The following AOAH variants were observed in gnomAD, a reference collection of about 807,000 sequenced individuals.
The protein encoded by AOAH is acyloxyacyl hydrolase.
AOAH carries 64 observed loss-of-function variants against 92.2 expected under a neutral mutation model. That is an observed-to-expected ratio of 0.69 (90% CI 0.57 to 0.86). The LOEUF is 0.86. Among genes scored for constraint, AOAH ranks in the 40% least tolerant of loss-of-function variants. AOAH has a pLI of 0.00. For missense variants in AOAH, 656 were observed against 694.6 expected (o/e 0.94, Z 0.62); for synonymous variants, 263 against 254.5 (o/e 1.03, Z -0.32).
chr7:36,649,191 G>A (rs756585478), intron 4 of AOAH, among the ~76,000 whole-genome samples: 6 of 152,302 alleles, frequency 3.9e-5, no homozygotes, highest in South Asian at 4.1e-4. Context: ...CTTCGACATC[G>A]TGTTGAATTG....
chr7:36,675,205 G>A (rs754400401), intron 2 of AOAH, among the ~76,000 whole-genome samples: 5 of 152,196 alleles, frequency 3.3e-5, no homozygotes, highest in Non-Finnish European at 5.9e-5. Flanking sequence ...GCAGTGAGCC[G>A]AGATCGTGCC....
intron 13 of AOAH, among the ~76,000 whole-genome samples, chr7:36,552,536 G>A (rs1786343592): frequency 6.6e-6 from 1 of 152,176 alleles, no homozygotes; most frequent in Non-Finnish European, 1.5e-5. Context: ...GGATTGCTGG[G>A]TCAAATGGTA....
At chr7:36,598,873 A>G (rs891914274) in intron 11 of AOAH, among the ~76,000 whole-genome samples, 1 of 152,246 alleles carries the variant, frequency 6.6e-6, no homozygotes, top group Non-Finnish European at 1.5e-5. Context: ...GGCAGGAGGA[A>G]TGCAAATTAA....
intron 5 of AOAH, among the ~76,000 whole-genome samples, chr7:36,634,718 G>GTACTT (rs1414313565): frequency 6.6e-6 from 1 of 152,202 alleles, no homozygotes; most frequent in Non-Finnish European, 1.5e-5. Context: ...AATGTTTGAG[G>GTACTT]TACTTTTAAT....
chr7:36,541,881 G>A (rs192699549), intron 15 of AOAH, among the ~76,000 whole-genome samples: 1,568 of 152,234 alleles, frequency 0.01, 10 homozygotes, highest in Non-Finnish European at 0.016. Context: ...GTAGAATACA[G>A]AATTTTCTAG....
chr7:36,635,277 A>T (rs554697657), intron 5 of AOAH, among the ~76,000 whole-genome samples: 1 of 152,238 alleles, frequency 6.6e-6, no homozygotes, highest in Non-Finnish European at 1.5e-5. Context: ...GTCATGCAGC[A>T]TCTTTGCTTT....
chr7:36,648,638 T>C (rs1186359633), intron 4 of AOAH, among the ~76,000 whole-genome samples: 1 of 151,936 alleles, frequency 6.6e-6, no homozygotes. Flanking sequence ...CCTTTTTTTT[T>C]TTTTTAAGTG....
chr7:36,519,265 C>G (rs1278003116), intron 20 of AOAH, among the ~76,000 whole-genome samples: 1 of 152,218 alleles, frequency 6.6e-6, no homozygotes, highest in African/African-American at 2.4e-5. Context: ...GTCATACTCT[C>G]TGGCCACACT....
intron 4 of AOAH, among the ~76,000 whole-genome samples, chr7:36,639,102 A>C (rs1435137822): frequency 6.6e-6 from 1 of 152,236 alleles, no homozygotes; most frequent in Non-Finnish European, 1.5e-5. Flanking sequence ...CCCAATCTTC[A>C]CTTTTAAAAC....
At chr7:36,643,054 G>T (rs933214738) in intron 4 of AOAH, among the ~76,000 whole-genome samples, 1 of 152,148 alleles carries the variant, frequency 6.6e-6, no homozygotes, top group African/African-American at 2.4e-5. Context: ...AATAATTGGT[G>T]TTTTTATTTT....
intron 12 of AOAH, among the ~76,000 whole-genome samples, chr7:36,585,065 G>C (rs866867274): frequency 6.6e-6 from 1 of 152,014 alleles, no homozygotes; most frequent in Non-Finnish European, 1.5e-5. Context: ...AGGTGACATT[G>C]GTATTGAAGG....
intron 2 of AOAH, among the ~76,000 whole-genome samples, chr7:36,682,500 A>C (rs185847136): frequency 3.9e-5 from 6 of 152,338 alleles, no homozygotes; most frequent in African/African-American, 9.6e-5. Flanking sequence ...ACATCCCTAC[A>C]GATAGTAAAA....
At chr7:36,541,208 C>T (rs555928254) in intron 15 of AOAH, among the ~76,000 whole-genome samples, 2 of 152,280 alleles carry the variant, frequency 1.3e-5, no homozygotes, top group African/African-American at 2.4e-5. Flanking sequence ...CAGGCTATAC[C>T]CTGCAACAGC....
At chr7:36,554,733 T>C (rs1391105050) in intron 13 of AOAH, among the ~76,000 whole-genome samples, 1 of 150,896 alleles carries the variant, frequency 6.6e-6, no homozygotes, top group Non-Finnish European at 1.5e-5. Flanking sequence ...AGTATTTTAT[T>C]CTCTTTGAAG....
chr7:36,602,915 CT>C (rs1239419747), intron 11 of AOAH, among the ~76,000 whole-genome samples: 4 of 152,174 alleles, frequency 2.6e-5, no homozygotes, highest in Non-Finnish European at 4.4e-5. Flanking sequence ...TTTCTCTCCG[CT>C]CTTTCACTTT....
At chr7:36,684,258 G>A (rs1231902308) in intron 2 of AOAH, among the ~76,000 whole-genome samples, 4 of 151,782 alleles carry the variant, frequency 2.6e-5, no homozygotes, top group Admixed American at 6.6e-5. Flanking sequence ...GTCAAAGCTC[G>A]ATGGGATCAT....
At chr7:36,561,375 C>T (rs1743220979) in intron 13 of AOAH, among the ~76,000 whole-genome samples, 1 of 152,116 alleles carries the variant, frequency 6.6e-6, no homozygotes, top group African/African-American at 2.4e-5. Flanking sequence ...AATCCAACCC[C>T]AATGCTCGAA....
At chr7:36,681,528 C>T (rs949839079) in intron 2 of AOAH, among the ~76,000 whole-genome samples, 6 of 152,024 alleles carry the variant, frequency 3.9e-5, no homozygotes, top group African/African-American at 9.7e-5. Flanking sequence ...CTTTGAATCT[C>T]TACAAAAGAA....
rs764826819 is a variant in AOAH, at chr7:36,513,160, T to G, written c.*92A>C. Reference sequence around the variant, plus strand: ...CTGCTGAAGAAGAGTCCTTTGGGCCTGTGACGTGGCAGCCCCCATAGGGTT... The same window carrying G: ...CTGCTGAAGAAGAGTCCTTTGGGCCGGTGACGTGGCAGCCCCCATAGGGTT... On this transcript the variant is annotated 3_prime_UTR_variant, in exon 21 of 21. Transcript: ENST00000617537. 43 of 1,613,326 alleles carry G rather than the reference T, an allele frequency of 2.7e-5. No individual in the cohort carries two copies. The African/African-American group carries it at 5.7e-4, about 22-fold the overall frequency.
Sources: gnomAD v4.1 joint callset for allele counts (sites outside exome capture counted in the v4.1 genomes callset) on GRCh38, gnomAD v4.1.1 for gene constraint, MANE v1.5 for transcripts, NCBI Gene and HGNC (gene_info 2026-07-23, HGNC 2026-07-21) for gene names.